The following GPC5 variants were observed in gnomAD, a reference collection of about 807,000 sequenced individuals.
GPC5 encodes glypican 5.
GPC5 carries 47 observed loss-of-function variants against 53.9 expected under a neutral mutation model. That is an observed-to-expected ratio of 0.87 (90% CI 0.69 to 1.11). The LOEUF is 1.11. Among genes scored for constraint, GPC5 ranks in the 50% most tolerant of loss-of-function variants. The pLI, the probability that GPC5 is intolerant of heterozygous loss-of-function variation, is 0.00. For synonymous variants in GPC5, 286 were observed against 263.3 expected (o/e 1.09, Z -0.84); for missense variants, 748 against 713.1 (o/e 1.05, Z -0.56).
At chr13:92,050,891 T>C (rs2041022264) in intron 6 of GPC5, among the ~76,000 whole-genome samples, 1 of 152,358 alleles carries the variant, frequency 6.6e-6, no homozygotes, top group African/African-American at 2.4e-5. Flanking sequence ...TCTTGGAGTA[T>C]AGCAATGCTT....
At position 92,047,848 on chromosome 13, in the gene GPC5, G is replaced by A. The variant is rs532332362; in HGVS notation, c.1402-96982G>A. ...AAAAAGAAAATACAAAAATTTAGCC[G>A]GGCGTGGTGGCATGCACCTGTAATC... On this transcript the variant is annotated intron_variant, in intron 6 of 7. Transcript: ENST00000377067. 1.7e-4 allele frequency among the ~76,000 whole-genome samples: 26 copies of A among 149,978 alleles called. No individual in the cohort carries two copies. In the South Asian group the frequency reaches 2.8e-3, roughly 16 times the overall value.
intron 6 of GPC5, among the ~76,000 whole-genome samples, chr13:92,010,061 T>C (rs1024035132): frequency 6.6e-6 from 1 of 152,182 alleles, no homozygotes; most frequent in African/African-American, 2.4e-5. Flanking sequence ...ATAAGGATAA[T>C]ATAAGCTTGG....
intron 7 of GPC5, among the ~76,000 whole-genome samples, chr13:92,699,650 A>G (rs902664983): frequency 9.9e-5 from 15 of 152,200 alleles, no homozygotes; most frequent in Non-Finnish European, 2.9e-5. Context: ...TTGGTCTCAA[A>G]GAACATCTTT....
intron 2 of GPC5, among the ~76,000 whole-genome samples, chr13:91,558,006 A>T (rs1456866719): frequency 2.6e-5 from 4 of 152,140 alleles, no homozygotes; most frequent in Non-Finnish European, 5.9e-5. Context: ...GTTTTGAGAG[A>T]GTCTTAGCAA....
chr13:92,309,913 A>G lies in GPC5; in HGVS notation c.1561+164924A>G, dbSNP rs1035844262. Reference sequence around the variant, plus strand: ...ATTCCACATTCTCTCCCTGCAACCTACTACTTTTTATCCCCTGGCAGTCTT... The same window carrying G: ...ATTCCACATTCTCTCCCTGCAACCTGCTACTTTTTATCCCCTGGCAGTCTT... On this transcript the variant is annotated intron_variant, in intron 7 of 7. Coordinates refer to ENST00000377067, the MANE Select transcript of GPC5 (RefSeq NM_004466.6). Among the ~76,000 whole-genome samples the G allele has an allele frequency of 3.9e-5, 6 of 152,110 alleles. No individual in the cohort carries two copies. In the East Asian group the frequency reaches 1.2e-3, roughly 29 times the overall value.
rs544053142 is a variant in GPC5 at position 92,262,640 on chromosome 13, A to G, written c.1561+117651A>G. On this transcript the variant is annotated intron_variant, in intron 7 of 7. Coordinates refer to ENST00000377067, the MANE Select transcript of GPC5 (RefSeq NM_004466.6). ...CCAATAAATTACAGCCTAGAGAGTA[A>G]CAAGTCATGAATTCAGACAATTGCA... Among the ~76,000 whole-genome samples the G allele has an allele frequency of 2.6e-5, 4 of 152,330 alleles. No individual in the cohort carries two copies. In the South Asian group the frequency reaches 8.3e-4, roughly 32 times the overall value.
intron 7 of GPC5, among the ~76,000 whole-genome samples, chr13:92,489,575 G>C (rs1879683120): frequency 6.6e-6 from 1 of 152,062 alleles, no homozygotes; most frequent in South Asian, 2.1e-4. Context: ...AAGGAAGTGA[G>C]AGATACCCAC....
chr13:92,250,497 C>G (rs553744550), intron 7 of GPC5, among the ~76,000 whole-genome samples: 41 of 152,094 alleles, frequency 2.7e-4, no homozygotes, highest in African/African-American at 9.4e-4. Context: ...TACGCCTTAC[C>G]CTTCTTTATG....
intron 7 of GPC5, among the ~76,000 whole-genome samples, chr13:92,775,906 A>G (rs1875787286): frequency 6.6e-6 from 1 of 152,196 alleles, no homozygotes; most frequent in South Asian, 2.1e-4. Flanking sequence ...CCACAAAATA[A>G]CTTTTAAGCA....
At chr13:91,895,712 A>C (rs1377213427) in intron 5 of GPC5, among the ~76,000 whole-genome samples, 2 of 151,986 alleles carry the variant, frequency 1.3e-5, no homozygotes, top group Admixed American at 6.6e-5. Flanking sequence ...AATGAGAGCA[A>C]GTAACCTAGA....
intron 2 of GPC5, among the ~76,000 whole-genome samples, chr13:91,668,117 T>G (rs1353888821): frequency 4.6e-5 from 7 of 152,232 alleles, no homozygotes; most frequent in Non-Finnish European, 1.0e-4. Flanking sequence ...GTATGAGGTC[T>G]CCTGGTTGGA....
chr13:92,806,153 C>T (rs547854087), intron 7 of GPC5, among the ~76,000 whole-genome samples: 1 of 152,220 alleles, frequency 6.6e-6, no homozygotes, highest in Admixed American at 6.5e-5. Flanking sequence ...GCAGCTTCTC[C>T]ATCAGCACTT....
chr13:91,546,816 T>C (rs1023910723), intron 2 of GPC5, among the ~76,000 whole-genome samples: 2 of 152,112 alleles, frequency 1.3e-5, no homozygotes, highest in Non-Finnish European at 2.9e-5. Context: ...AGTGATCACT[T>C]TGCCTTTAAA....
At chr13:92,162,781 C>T (rs144281912) in intron 7 of GPC5, among the ~76,000 whole-genome samples, 4 of 152,262 alleles carry the variant, frequency 2.6e-5, no homozygotes, top group African/African-American at 9.6e-5. Flanking sequence ...GAAATCCAGA[C>T]AAATAAGTTG....
intron 7 of GPC5, among the ~76,000 whole-genome samples, chr13:92,862,306 T>C (rs1050581058): frequency 6.6e-6 from 1 of 152,200 alleles, no homozygotes; most frequent in Admixed American, 6.6e-5. Context: ...ATTTATTCAT[T>C]CAACAATATT....
intron 7 of GPC5, among the ~76,000 whole-genome samples, chr13:92,176,547 AT>A (rs1254973972): frequency 1.3e-5 from 2 of 152,170 alleles, no homozygotes; most frequent in Non-Finnish European, 2.9e-5. Flanking sequence ...TTGAAAAAAA[AT>A]AAATGAAGGG....
intron 6 of GPC5, among the ~76,000 whole-genome samples, chr13:92,003,938 A>T (rs1188134521): frequency 6.6e-6 from 1 of 152,196 alleles, no homozygotes; most frequent in Non-Finnish European, 1.5e-5. Flanking sequence ...CACTGCTGCC[A>T]GAAGTGGATT....
At chr13:92,115,269 G>C (rs1048312284) in intron 6 of GPC5, among the ~76,000 whole-genome samples, 2 of 152,214 alleles carry the variant, frequency 1.3e-5, no homozygotes, top group Admixed American at 6.5e-5. Context: ...AACACTTCGG[G>C]AGGCCGAGGT....
intron 7 of GPC5, among the ~76,000 whole-genome samples, chr13:92,303,928 A>T (rs2043092731): frequency 6.6e-6 from 1 of 152,140 alleles, no homozygotes; most frequent in South Asian, 2.1e-4. Flanking sequence ...TAAATAAATA[A>T]CTTCACAGCA....
Sources: gnomAD v4.1 joint callset for allele counts (sites outside exome capture counted in the v4.1 genomes callset) on GRCh38, gnomAD v4.1.1 for gene constraint, MANE v1.5 for transcripts, NCBI Gene and HGNC (gene_info 2026-07-23, HGNC 2026-07-21) for gene names.